The following PIAS1 variants were observed in gnomAD, a reference collection of about 807,000 sequenced individuals.
The protein encoded by PIAS1 is protein inhibitor of activated STAT 1.
A neutral mutation model predicts 71.3 loss-of-function variants in PIAS1; 6 were observed. The observed-to-expected ratio is 0.08, with a 90% CI of 0.05 to 0.17. PIAS1 has a LOEUF of 0.17. Ranked by LOEUF, PIAS1 falls within the 10% of genes least tolerant of loss-of-function variation. The probability of loss-of-function intolerance (pLI) is 1.00; values close to 1 mark genes in which losing one functional copy is unlikely to be tolerated. For missense variants in PIAS1, 555 were observed against 793.6 expected (o/e 0.70, Z 3.61); for synonymous variants, 303 against 292.9 (o/e 1.03, Z -0.35).
intron 7 of PIAS1, among the ~76,000 whole-genome samples, chr15:68,159,861 G>C (rs907948907): frequency 3.3e-5 from 5 of 152,156 alleles, no homozygotes; most frequent in Admixed American, 2.6e-4. Flanking sequence ...TGGGATTGCT[G>C]GGTCATATGA....
At position 68,186,255 on chromosome 15, in the gene PIAS1, A is replaced by G. The variant is rs1316404048; in HGVS notation, c.1663-1287A>G. 6.6e-6 allele frequency among the ~76,000 whole-genome samples: 1 copy of G among 152,244 alleles called. No individual in the cohort carries two copies. The highest frequency in any genetic ancestry group is 1.5e-5 in the Non-Finnish European group (1 of 68,048). ...GGGACAAGCTGTGCAGATGGAAGAC[A>G]GTGACATCGATGACCCTGACCTCCC... On this transcript the variant is annotated intron_variant, in intron 13 of 13. Coordinates refer to ENST00000249636, the MANE Select transcript of PIAS1 (RefSeq NM_016166.3). The surrounding 1 kb of genome is among the most constrained non-coding windows in gnomAD (Gnocchi z 4.4).
At chr15:68,067,496 T>G (rs2092041970) in intron 1 of PIAS1, among the ~76,000 whole-genome samples, 1 of 152,124 alleles carries the variant, frequency 6.6e-6, no homozygotes, top group African/African-American at 2.4e-5. Flanking sequence ...TCACTGTCAT[T>G]TTGTTTCTCT....
chr15:68,089,697 C>T (rs1038211665), intron 2 of PIAS1, among the ~76,000 whole-genome samples: 2 of 151,582 alleles, frequency 1.3e-5, no homozygotes, highest in African/African-American at 4.9e-5. Flanking sequence ...CTGAGACTTA[C>T]AGGCACGTGC....
At chr15:68,104,515 G>A (rs1208873613) in intron 2 of PIAS1, among the ~76,000 whole-genome samples, 3 of 152,096 alleles carry the variant, frequency 2.0e-5, no homozygotes, top group Admixed American at 6.5e-5. Flanking sequence ...TGTATTCATA[G>A]TTGTTTCTTC....
At chr15:68,119,934 A>T (rs894915489) in intron 2 of PIAS1, among the ~76,000 whole-genome samples, 3 of 152,100 alleles carry the variant, frequency 2.0e-5, no homozygotes, top group Non-Finnish European at 2.9e-5. Flanking sequence ...TCTGAAATCT[A>T]CTTTCTCTGA....
chr15:68,114,918 C>A (rs2092552746), intron 2 of PIAS1, among the ~76,000 whole-genome samples: 1 of 151,968 alleles, frequency 6.6e-6, no homozygotes, highest in South Asian at 2.1e-4. Context: ...GGGCAGTTCT[C>A]TTCTTTCTTG....
intron 8 of PIAS1, among the ~76,000 whole-genome samples, chr15:68,168,088 A>C (rs1457054355): frequency 1.3e-5 from 2 of 152,062 alleles, no homozygotes; most frequent in Non-Finnish European, 2.9e-5. Flanking sequence ...AGCTCACTGC[A>C]ACCTCCACTT....
At position 68,191,542 on chromosome 15, in the gene PIAS1, C is replaced by T. The variant is rs1203105846; in HGVS notation, c.*3707C>T. The stretch of plus-strand genomic sequence containing the variant: ...AGACAAGTGATAATGGTTTGTGCTT[C>T]CAAAGCACCTTTCATCCAGAGATTT... On this transcript the variant is annotated 3_prime_UTR_variant, in exon 14 of 14. Coordinates refer to ENST00000249636, the MANE Select transcript of PIAS1 (RefSeq NM_016166.3). 2 of 152,650 alleles carry T rather than the reference C, an allele frequency of 1.3e-5. No individual in the cohort carries two copies. The highest frequency in any genetic ancestry group is 2.9e-5 in the Non-Finnish European group (2 of 68,038). 9.5% of individuals were successfully genotyped at this position (152,650 alleles called of 1,614,324 possible).
intron 2 of PIAS1, among the ~76,000 whole-genome samples, chr15:68,138,668 T>C (rs540144393): frequency 6.6e-6 from 1 of 151,978 alleles, no homozygotes; most frequent in African/African-American, 2.4e-5. Flanking sequence ...AGAGACAGGG[T>C]TTCACCATGT....
intron 2 of PIAS1, among the ~76,000 whole-genome samples, chr15:68,123,140 C>T (rs905712521): frequency 3.3e-5 from 5 of 152,188 alleles, no homozygotes; most frequent in Admixed American, 2.0e-4. Context: ...CAACCTCAAA[C>T]TCCTAGGCTA....
rs1345054893 is a variant in PIAS1 at position 68,086,753 on chromosome 15, A to G, written c.469+3A>G. ...ACTGATAAAACCCACCAGTCTAGGT[A>G]AGATTATTGTATGATAGTATTTGGT... On this transcript the variant is annotated splice_donor_region_variant and intron_variant, in intron 2 of 13. Coordinates refer to ENST00000249636, the MANE Select transcript of PIAS1 (RefSeq NM_016166.3). The surrounding 1 kb of genome is among the most constrained non-coding windows in gnomAD (Gnocchi z 7.2). 3 of 1,581,642 alleles carry G rather than the reference A, an allele frequency of 1.9e-6. No individual in the cohort carries two copies. Among genetic ancestry groups the G allele is most frequent in the Non-Finnish European group, 2.6e-6 (3 of 1,151,374 alleles).
In PIAS1 at chr15:68,186,119, A is replaced by C. The variant is rs2093086106; in HGVS notation, c.1663-1423A>C. 6.6e-6 allele frequency among the ~76,000 whole-genome samples: 1 copy of C among 152,198 alleles called. No individual in the cohort carries two copies. The highest frequency in any genetic ancestry group is 1.5e-5 in the Non-Finnish European group (1 of 68,030). ...CATGGACATATTTCTGAAAAGAGTG[A>C]CACCTCCTTAAGAAGAGCCTCAGGC... On this transcript the variant is annotated intron_variant, in intron 13 of 13. Coordinates refer to ENST00000249636, the MANE Select transcript of PIAS1 (RefSeq NM_016166.3). The surrounding 1 kb of genome is among the most constrained non-coding windows in gnomAD (Gnocchi z 4.4).
intron 2 of PIAS1, among the ~76,000 whole-genome samples, chr15:68,128,545 T>C (rs555970346): frequency 3.3e-5 from 5 of 152,326 alleles, no homozygotes; most frequent in African/African-American, 9.6e-5. Context: ...AGTTATTCTG[T>C]TGTATAGCTG....
chr15:68,112,938 G>A (rs2092534744), intron 2 of PIAS1, among the ~76,000 whole-genome samples: 2 of 152,164 alleles, frequency 1.3e-5, no homozygotes, highest in African/African-American at 2.4e-5. Context: ...AATTCTGGAA[G>A]GGAAACATGA....
In PIAS1 at chr15:68,189,727, C is replaced by T. The variant is rs2093110083; in HGVS notation, c.*1892C>T. 6.6e-6 allele frequency: 1 copy of T among 151,660 alleles called. No homozygotes were observed. Among genetic ancestry groups the T allele is most frequent in the African/African-American group, 2.4e-5 (1 of 41,248 alleles). 9.4% of individuals were successfully genotyped at this position (151,660 alleles called of 1,614,324 possible). A position where few individuals can be genotyped will look rare whatever the true frequency, so the allele number is the denominator to read the frequency against. ...TTCCCCTACGCATGTGTATTCCACA[C>T]ACAAATGGCTGAGTTATAGTCATAA... On this transcript the variant is annotated 3_prime_UTR_variant, in exon 14 of 14. Transcript: ENST00000249636.
intron 2 of PIAS1, among the ~76,000 whole-genome samples, chr15:68,106,351 C>CAAAAAAAAAAAAAAAAAAAAAATAA (rs11313083): frequency 3.2e-5 from 3 of 92,858 alleles, no homozygotes; most frequent in Admixed American, 1.2e-4. Context: ...ATGACCTTTG[C>CAAAAAAAAAAAAAAAAAAAAAATAA]AAAAAAAAAA....
chr15:68,080,162 G>T (rs760490870), intron 1 of PIAS1, among the ~76,000 whole-genome samples: 1 of 152,068 alleles, frequency 6.6e-6, no homozygotes, highest in Non-Finnish European at 1.5e-5. Context: ...TCAGGTTATC[G>T]TCCAGAAGGA....
intron 4 of PIAS1, among the ~76,000 whole-genome samples, chr15:68,144,533 G>T (rs984708278): frequency 6.6e-6 from 1 of 151,976 alleles, no homozygotes; most frequent in Non-Finnish European, 1.5e-5. Context: ...TTTTCCTATA[G>T]GAAAGGGTTC....
At chr15:68,110,993 G>A (rs1001093528) in intron 2 of PIAS1, among the ~76,000 whole-genome samples, 13 of 152,166 alleles carry the variant, frequency 8.5e-5, no homozygotes, top group African/African-American at 2.9e-4. Flanking sequence ...GGTTGGCTGT[G>A]TGCTTTTTTC....
Sources: allele counts gnomAD v4.1 joint callset (sites outside exome capture counted in the v4.1 genomes callset), GRCh38; gene constraint gnomAD v4.1.1; non-coding constraint Gnocchi (gnomAD v3.1); transcripts MANE v1.5; gene names NCBI Gene and HGNC (gene_info 2026-07-23, HGNC 2026-07-21).